Variants in NCKAP5 observed in about 807,000 individuals in gnomAD.
NCKAP5 encodes the protein NCK associated protein 5, also known as nck-associated protein 5.
A neutral mutation model predicts 167.0 loss-of-function variants in NCKAP5; 92 were observed. The observed-to-expected ratio is 0.55, with a 90% CI of 0.47 to 0.66. The LOEUF (loss-of-function observed/expected upper bound fraction) is 0.66. Ranked by LOEUF, NCKAP5 falls within the 30% of genes least tolerant of loss-of-function variation. The pLI is 0.00. For synonymous variants in NCKAP5, 891 were observed against 877.4 expected (o/e 1.02, Z -0.27); for missense variants, 2,378 against 2,315.0 (o/e 1.03, Z -0.56).
intron 12 of NCKAP5, among the ~76,000 whole-genome samples, chr2:132,794,247 TATATATATATATATATAGAGAGAGAG>T (rs1160625516): frequency 1.7e-3 from 105 of 60,762 alleles, no homozygotes; most frequent in African/African-American, 6.3e-3. Context: ...TATATATATA[TATATATATATATATATAGAGAGAGAG>T]AGAGAGAGAG....
At chr2:133,259,520 C>G (rs774798921) in intron 4 of NCKAP5, among the ~76,000 whole-genome samples, 10 of 152,082 alleles carry the variant, frequency 6.6e-5, no homozygotes, top group Non-Finnish European at 1.3e-4. Flanking sequence ...AGAGGGAGAT[C>G]ATGTCAAAAC....
At chr2:133,637,684 A>G in the NCKAP5 span, among the ~76,000 whole-genome samples, 11 of 149,728 alleles carry the variant, frequency 7.3e-5, no homozygotes, top group Non-Finnish European at 1.6e-4. Context: ...AAACTTTTTA[A>G]AAGTTCATAA....
At chr2:133,018,869 C>T (rs543059976) in intron 6 of NCKAP5, among the ~76,000 whole-genome samples, 47 of 152,124 alleles carry the variant, frequency 3.1e-4, no homozygotes, top group Non-Finnish European at 6.0e-4. Context: ...ACAGAACATG[C>T]CTAGAAGGTG....
At chr2:133,258,193 G>A (rs746201794) in intron 4 of NCKAP5, among the ~76,000 whole-genome samples, 6 of 152,126 alleles carry the variant, frequency 3.9e-5, no homozygotes, top group Non-Finnish European at 7.3e-5. Flanking sequence ...CTGTCTCATT[G>A]GGTTTGGAAT....
At chr2:132,722,645 C>T (rs1431089797) in intron 19 of NCKAP5, among the ~76,000 whole-genome samples, 1 of 152,152 alleles carries the variant, frequency 6.6e-6, no homozygotes, top group Non-Finnish European at 1.5e-5. Context: ...CTACCCACCA[C>T]TTCCACTTGC....
intron 11 of NCKAP5, among the ~76,000 whole-genome samples, chr2:132,820,960 C>G (rs1337040799): frequency 6.6e-6 from 1 of 152,132 alleles, no homozygotes; most frequent in African/African-American, 2.4e-5. Context: ...TAGTCTGAAA[C>G]AGGGTCATCT....
chr2:133,050,081 G>A (rs567072758), intron 6 of NCKAP5, among the ~76,000 whole-genome samples: 1 of 152,294 alleles, frequency 6.6e-6, no homozygotes, highest in South Asian at 2.1e-4. Context: ...ACCACCCATT[G>A]TTCTTCCTGG....
intron 3 of NCKAP5, among the ~76,000 whole-genome samples, chr2:133,515,730 C>A (rs1683926238): frequency 6.6e-6 from 1 of 152,202 alleles, no homozygotes; most frequent in African/African-American, 2.4e-5. Flanking sequence ...TAAATATGAG[C>A]ATTGACACTG....
chr2:133,024,287 C>G (rs927325449), intron 6 of NCKAP5, among the ~76,000 whole-genome samples: 1 of 152,168 alleles, frequency 6.6e-6, no homozygotes, highest in East Asian at 1.9e-4. Context: ...AAACTGTACA[C>G]AGACACATAT....
At chr2:133,383,752 T>C (rs548148655) in intron 3 of NCKAP5, among the ~76,000 whole-genome samples, 2 of 152,232 alleles carry the variant, frequency 1.3e-5, no homozygotes, top group African/African-American at 4.8e-5. Flanking sequence ...TTAATGCTTG[T>C]CATTCTAACT....
chr2:133,271,827 T>C (rs993777086), intron 4 of NCKAP5, among the ~76,000 whole-genome samples: 6 of 152,230 alleles, frequency 3.9e-5, no homozygotes, highest in Non-Finnish European at 5.9e-5. Flanking sequence ...ACTGTGGTTA[T>C]AAAGAAAGTA....
chr2:132,789,704 G>A (rs1683893173), intron 13 of NCKAP5, among the ~76,000 whole-genome samples: 1 of 152,184 alleles, frequency 6.6e-6, no homozygotes, highest in African/African-American at 2.4e-5. Context: ...AGTCCACTGT[G>A]CAGATGGGAG....
chr2:133,663,426 GA>G, the NCKAP5 span, among the ~76,000 whole-genome samples: 8 of 152,094 alleles, frequency 5.3e-5, no homozygotes, highest in Non-Finnish European at 1.2e-4. Flanking sequence ...GTTAAAATAA[GA>G]AAAAAATAAA....
the NCKAP5 span, among the ~76,000 whole-genome samples, chr2:133,630,328 T>A: frequency 6.6e-6 from 1 of 152,126 alleles, no homozygotes; most frequent in Non-Finnish European, 1.5e-5. Flanking sequence ...ACAGAGAGGA[T>A]AATAAGTAAA....
At chr2:133,037,124 T>C (rs556453384) in intron 6 of NCKAP5, among the ~76,000 whole-genome samples, 54 of 151,990 alleles carry the variant, frequency 3.6e-4, no homozygotes, top group African/African-American at 1.2e-3. Flanking sequence ...ATAAAAACTA[T>C]AAAACACAAT....
In NCKAP5 at chr2:132,792,037, C is replaced by CTGTTTTGTTTTGTTT. The variant is rs141257195; in HGVS notation, c.910-1847_910-1833dup. On this transcript the variant is annotated intron_variant, in intron 12 of 19. Transcript: ENST00000409261. ...CCCTTGGCCTTGAACTTGAGATGCT[C>CTGTTTTGTTTTGTTT]TGTTTTGTTTTGTTTTGTTTTGTTT... is the stretch of plus-strand genomic sequence containing the variant. 5.3e-3 allele frequency among the ~76,000 whole-genome samples: 793 copies of CTGTTTTGTTTTGTTT among 151,036 alleles called. 2 individuals carry two copies. Among genetic ancestry groups the CTGTTTTGTTTTGTTT allele is most frequent in the Middle Eastern group, 0.017 (5 of 288 alleles).
intron 8 of NCKAP5, among the ~76,000 whole-genome samples, chr2:132,963,302 C>T (rs984856863): frequency 1.3e-5 from 2 of 152,124 alleles, no homozygotes; most frequent in African/African-American, 2.4e-5. Context: ...TATGACTATA[C>T]TGCTTATAAA....
At chr2:133,518,954 C>G (rs1371021048) in intron 2 of NCKAP5, among the ~76,000 whole-genome samples, 1 of 152,166 alleles carries the variant, frequency 6.6e-6, no homozygotes, top group Non-Finnish European at 1.5e-5. Context: ...CATTGTACTG[C>G]TGATGCAGAA....
At chr2:133,131,904 A>C (rs928794763) in intron 5 of NCKAP5, among the ~76,000 whole-genome samples, 1 of 152,208 alleles carries the variant, frequency 6.6e-6, no homozygotes, top group Non-Finnish European at 1.5e-5. Flanking sequence ...GACTAAAAGA[A>C]ACATGGACAA....
Sources: allele counts gnomAD v4.1 joint callset (sites outside exome capture counted in the v4.1 genomes callset), GRCh38; gene constraint gnomAD v4.1.1; transcripts MANE v1.5; gene names NCBI Gene and HGNC (gene_info 2026-07-23, HGNC 2026-07-21).